KIAA1328: variants seen among roughly 807,000 people sequenced by gnomAD.
KIAA1328 encodes KIAA1328.
A neutral mutation model predicts 68.1 loss-of-function variants in KIAA1328; 52 were observed. The observed-to-expected ratio is 0.76, with a 90% confidence interval of 0.61 to 0.96. The LOEUF is 0.96. Ranked by LOEUF, KIAA1328 falls within the 40% of genes least tolerant of loss-of-function variation. The probability of loss-of-function intolerance (pLI) is 0.00; values close to 1 mark genes in which losing one functional copy is unlikely to be tolerated. For missense variants in KIAA1328, 641 were observed against 677.6 expected (o/e 0.95, Z 0.60); for synonymous variants, 232 against 239.4 (o/e 0.97, Z 0.28).
chr18:36,999,199 A>G (rs1468017518), intron 6 of KIAA1328, among the ~76,000 whole-genome samples: 1 of 152,222 alleles, frequency 6.6e-6, no homozygotes, highest in African/African-American at 2.4e-5. Context: ...GAACTTAAAG[A>G]TGAGTCTTTT....
intron 6 of KIAA1328, among the ~76,000 whole-genome samples, chr18:37,013,760 G>A (rs1024564442): frequency 1.3e-5 from 2 of 152,110 alleles, no homozygotes; most frequent in Admixed American, 6.6e-5. Context: ...AGGCATCTAG[G>A]TTGATTCCAT....
intron 7 of KIAA1328, among the ~76,000 whole-genome samples, chr18:37,100,025 A>T (rs2151864588): frequency 6.6e-6 from 1 of 152,146 alleles, no homozygotes; most frequent in Non-Finnish European, 1.5e-5. Flanking sequence ...TTGACTCTTT[A>T]TCCAATTTGC....
intron 7 of KIAA1328, among the ~76,000 whole-genome samples, chr18:37,159,901 A>G (rs1402437907): frequency 1.3e-5 from 2 of 152,170 alleles, no homozygotes; most frequent in Non-Finnish European, 2.9e-5. Context: ...TTTTATTTCT[A>G]TAGATAGCCT....
chr18:36,999,482 T>C (rs931730785), intron 6 of KIAA1328, among the ~76,000 whole-genome samples: 4 of 152,120 alleles, frequency 2.6e-5, no homozygotes, highest in African/African-American at 9.7e-5. Flanking sequence ...TCAGACTGTC[T>C]GAAATAAAAA....
chr18:36,847,553 C>T (rs1457514906), intron 4 of KIAA1328, among the ~76,000 whole-genome samples: 1 of 151,468 alleles, frequency 6.6e-6, no homozygotes, highest in Non-Finnish European at 1.5e-5. Flanking sequence ...TGTCATTCTT[C>T]CTTAGTGAAG....
intron 6 of KIAA1328, among the ~76,000 whole-genome samples, chr18:37,029,893 A>T (rs1176444117): frequency 6.6e-6 from 1 of 152,136 alleles, no homozygotes; most frequent in Middle Eastern, 3.2e-3. Flanking sequence ...TCTGTAATTT[A>T]TGTGGGATAT....
chr18:37,131,618 C>G (rs535904025), intron 7 of KIAA1328, among the ~76,000 whole-genome samples: 2 of 152,198 alleles, frequency 1.3e-5, no homozygotes, highest in African/African-American at 4.8e-5. Context: ...GACACAGAAG[C>G]CTTTTTGCAC....
Position 36,898,841 on chromosome 18 carries a change from G to T in KIAA1328, c.448+13169G>T, listed in dbSNP as rs746762512. Among the ~76,000 whole-genome samples the T allele has an allele frequency of 5.7e-4, 86 of 151,980 alleles. 2 individuals carry two copies. Among genetic ancestry groups the T allele is most frequent in the Middle Eastern group, 3.4e-3 (1 of 294 alleles). ...AAAACACAATTAAGTTTTGTATGTT[G>T]ATTTTATATCTTTTGACCTTGCTAA... On this transcript the variant is annotated intron_variant, in intron 5 of 9. Transcript: ENST00000280020.
chr18:37,047,847 G>A (rs750392563), intron 6 of KIAA1328, among the ~76,000 whole-genome samples: 6 of 152,054 alleles, frequency 3.9e-5, no homozygotes, highest in South Asian at 2.1e-4. Context: ...CACAGTATCC[G>A]GCAGATACTT....
At chr18:37,077,024 A>G (rs1217489910) in intron 7 of KIAA1328, among the ~76,000 whole-genome samples, 2 of 152,114 alleles carry the variant, frequency 1.3e-5, no homozygotes, top group Admixed American at 6.5e-5. Flanking sequence ...AGGCAGAGAC[A>G]CAACCAAAAA....
intron 7 of KIAA1328, among the ~76,000 whole-genome samples, chr18:37,127,776 A>G (rs1222647493): frequency 6.6e-6 from 1 of 152,158 alleles, no homozygotes; most frequent in Admixed American, 6.5e-5. Context: ...AACACCCAAA[A>G]TAATTTTTTT....
At chr18:37,024,192 C>G (rs921564048) in intron 6 of KIAA1328, among the ~76,000 whole-genome samples, 4 of 151,812 alleles carry the variant, frequency 2.6e-5, no homozygotes, top group Non-Finnish European at 5.9e-5. Context: ...TGGGGTACTG[C>G]TATGTTGATC....
chr18:37,205,390 C>G (rs776878042), intron 9 of KIAA1328, among the ~76,000 whole-genome samples: 38 of 152,116 alleles, frequency 2.5e-4, no homozygotes, highest in Non-Finnish European at 4.4e-4. Flanking sequence ...AGCTAATAAG[C>G]AAGCCTTATA....
chr18:36,962,601 C>T (rs754103179), intron 6 of KIAA1328, among the ~76,000 whole-genome samples: 2 of 152,144 alleles, frequency 1.3e-5, no homozygotes, highest in East Asian at 1.9e-4. Flanking sequence ...TGTAACAGAA[C>T]AGAAATCACA....
intron 6 of KIAA1328, among the ~76,000 whole-genome samples, chr18:37,054,006 G>C (rs546287651): frequency 1.3e-5 from 2 of 149,764 alleles, no homozygotes; most frequent in Non-Finnish European, 3.0e-5. Context: ...GACATGAACA[G>C]ACACTTCACA....
intron 6 of KIAA1328, among the ~76,000 whole-genome samples, chr18:37,026,455 A>C (rs945945085): frequency 6.6e-6 from 1 of 152,228 alleles, no homozygotes; most frequent in African/African-American, 2.4e-5. Flanking sequence ...CCTGATGAAC[A>C]TCGATGCAAA....
intron 5 of KIAA1328, among the ~76,000 whole-genome samples, chr18:36,911,353 G>C (rs910441264): frequency 1.3e-5 from 2 of 152,106 alleles, no homozygotes; most frequent in Non-Finnish European, 2.9e-5. Context: ...ATGAATTCTT[G>C]TTAGCCATCA....
rs1341866414 is a variant in KIAA1328, at chr18:37,067,496, C to A, written c.1183C>A (p.Leu395Ile). ...QHLLAQQETK[L>I]LLKQQQLHQS... Reference sequence around the variant, plus strand: ...TCTGCTGGCCCAGCAGGAGACAAAGCTTCTTCTAAAACAGCAGCAGCTTCA... The same window carrying A: ...TCTGCTGGCCCAGCAGGAGACAAAGATTCTTCTAAAACAGCAGCAGCTTCA... Residue 395 changes from leucine to isoleucine, a missense_variant, in exon 7 of 10, where the codon CTT becomes ATT. By Grantham distance (5) the Leu-to-Ile change is conservative. Transcript: ENST00000280020. 2.6e-6 allele frequency: 4 copies of A among 1,545,346 alleles called. No individual in the cohort carries two copies. The highest frequency in any genetic ancestry group is 3.5e-6 in the Non-Finnish European group (4 of 1,147,986).
At chr18:37,007,219 T>C (rs998095243) in intron 6 of KIAA1328, among the ~76,000 whole-genome samples, 1 of 152,200 alleles carries the variant, frequency 6.6e-6, no homozygotes, top group Admixed American at 6.5e-5. Flanking sequence ...TCTTGGCTTC[T>C]TGGCACCTCA....
Sources: gnomAD v4.1 joint callset for allele counts (sites outside exome capture counted in the v4.1 genomes callset) on GRCh38, gnomAD v4.1.1 for gene constraint, MANE v1.5 for transcripts, NCBI Gene and HGNC (gene_info 2026-07-23, HGNC 2026-07-21) for gene names.